Variants in OTUD7A observed in about 807,000 individuals in gnomAD.
OTUD7A encodes OTU deubiquitinase 7A, also known as OTU domain-containing protein 7A.
In OTUD7A, 12 loss-of-function variants were observed where a neutral mutation model predicts 65.7. The observed-to-expected ratio is 0.18, with a 90% CI of 0.12 to 0.30. The LOEUF is 0.30. OTUD7A is among the 10% of genes least tolerant of loss of function. The pLI, the probability that OTUD7A is intolerant of heterozygous loss-of-function variation, is 1.00. For synonymous variants in OTUD7A, 641 were observed against 586.3 expected (o/e 1.09, Z -1.35); for missense variants, 1,148 against 1,304.8 (o/e 0.88, Z 1.85).
chr15:31,500,528 C>G (rs182998800), intron 10 of OTUD7A, among the ~76,000 whole-genome samples: 1 of 152,378 alleles, frequency 6.6e-6, no homozygotes, highest in Admixed American at 6.5e-5. Flanking sequence ...CAGCCTCATT[C>G]CCGACTCAAC....
rs377720188 is a variant in OTUD7A, at chr15:31,484,397, C to T, written c.1699G>A (p.Gly567Ser). ...CGCGACTTGGCCTTCTTCTCCTTGC[C>T]CCGCTCGGCCGAGTCCCCGTTCTTG... ...NGKNGDSAER[G>S]KEKKAKSRKG... The change falls in exon 13 of 13, where the codon GGC becomes AGC. Residue 567 changes from glycine to serine, a missense_variant. This residue lies in a region of OTUD7A where 842 missense variants were observed against 769.5 expected (regional missense o/e 1.09). Transcript: ENST00000307050. This position sits in a 1 kb window ranked among gnomAD's most constrained non-coding sequence, Gnocchi z 4.5. 4 of 1,601,354 alleles carry T rather than the reference C, an allele frequency of 2.5e-6. No homozygotes were observed. Among genetic ancestry groups the T allele is most frequent in the Non-Finnish European group, 1.7e-6 (2 of 1,179,756 alleles).
intron 1 of OTUD7A, among the ~76,000 whole-genome samples, chr15:31,724,670 T>C (rs1893834336): frequency 1.3e-5 from 2 of 152,084 alleles, no homozygotes. Flanking sequence ...ACACCTGAGA[T>C]CGCATCTTTC....
In OTUD7A at chr15:31,523,370, C is replaced by T. The variant is rs77681327; in HGVS notation, c.893+2979G>A. 3.9e-5 allele frequency among the ~76,000 whole-genome samples: 6 copies of T among 152,368 alleles called. No homozygotes were observed. In the East Asian group the frequency reaches 1.2e-3, roughly 29 times the overall value. The stretch of plus-strand genomic sequence containing the variant: ...GGCTCGCTGGAGGTCCCAGTGCTGA[C>T]CTGCTGTCTGAGGAAGTGCTTTTTT... On this transcript the variant is annotated intron_variant, in intron 8 of 12. Coordinates refer to ENST00000307050, the MANE Select transcript of OTUD7A (RefSeq NM_001382637.1).
intron 1 of OTUD7A, among the ~76,000 whole-genome samples, chr15:31,830,702 A>G (rs1262836774): frequency 2.0e-5 from 3 of 152,250 alleles, no homozygotes; most frequent in Admixed American, 1.3e-4. Context: ...ATGTGAGCTC[A>G]GTTTCCAGAA....
At chr15:31,841,704 C>T (rs1897187073) in intron 1 of OTUD7A, among the ~76,000 whole-genome samples, 1 of 152,182 alleles carries the variant, frequency 6.6e-6, no homozygotes, top group Non-Finnish European at 1.5e-5. Context: ...TAAAATGCCA[C>T]TGTATTCCTG....
chr15:31,672,964 T>C (rs1417278348), intron 1 of OTUD7A, among the ~76,000 whole-genome samples: 2 of 152,230 alleles, frequency 1.3e-5, no homozygotes, highest in Non-Finnish European at 2.9e-5. Context: ...GTTCCTCCTA[T>C]GACAGCAAGT....
At chr15:31,494,793 G>A (rs962903615) in intron 10 of OTUD7A, among the ~76,000 whole-genome samples, 3 of 152,194 alleles carry the variant, frequency 2.0e-5, no homozygotes, top group African/African-American at 7.2e-5. Context: ...GTGAGTGCTG[G>A]CTGCTCCTGT....
At chr15:31,488,024 G>A (rs1402920864) in intron 10 of OTUD7A, among the ~76,000 whole-genome samples, 1 of 152,178 alleles carries the variant, frequency 6.6e-6, no homozygotes, top group Non-Finnish European at 1.5e-5. Context: ...GTAATTTTGT[G>A]CCACAAGTCT....
chr15:31,861,467 C>T (rs773305528), intron 1 of OTUD7A, among the ~76,000 whole-genome samples: 8 of 152,176 alleles, frequency 5.3e-5, no homozygotes, highest in African/African-American at 1.7e-4. Context: ...GAACATACTG[C>T]TTGCCAGATT....
At chr15:31,514,939 G>A (rs1183577418) in intron 8 of OTUD7A, among the ~76,000 whole-genome samples, 2 of 152,220 alleles carry the variant, frequency 1.3e-5, no homozygotes, top group African/African-American at 4.8e-5. Context: ...TTGAAACACT[G>A]CAGGTGATTA....
At chr15:31,756,403 G>A (rs1200456518) in intron 1 of OTUD7A, among the ~76,000 whole-genome samples, 5 of 152,090 alleles carry the variant, frequency 3.3e-5, no homozygotes, top group African/African-American at 1.2e-4. Context: ...ACTTTTCAGG[G>A]CCCTGGAAAT....
chr15:31,492,434 C>G (rs1418882694), intron 10 of OTUD7A, among the ~76,000 whole-genome samples: 1 of 152,022 alleles, frequency 6.6e-6, no homozygotes, highest in African/African-American at 2.4e-5. Flanking sequence ...CAAAAATTAG[C>G]TGGGCATGGT....
chr15:31,793,402 C>T (rs759061418), intron 1 of OTUD7A, among the ~76,000 whole-genome samples: 2 of 152,180 alleles, frequency 1.3e-5, no homozygotes, highest in Non-Finnish European at 2.9e-5. Context: ...GGTGCACTTC[C>T]TGCCCCAACC....
chr15:31,844,702 A>G (rs907946958), intron 1 of OTUD7A, among the ~76,000 whole-genome samples: 4 of 152,306 alleles, frequency 2.6e-5, no homozygotes, highest in East Asian at 1.9e-4. Context: ...TCCTCTACAC[A>G]GTTCACCTTA....
chr15:31,755,719 C>T (rs1305315713), intron 1 of OTUD7A, among the ~76,000 whole-genome samples: 1 of 142,826 alleles, frequency 7.0e-6, no homozygotes, highest in Non-Finnish European at 1.6e-5. Flanking sequence ...GAGACTCTGT[C>T]TCAAAAAAAA....
chr15:31,686,554 T>C (rs1050632034), intron 1 of OTUD7A, among the ~76,000 whole-genome samples: 25 of 152,138 alleles, frequency 1.6e-4, no homozygotes, highest in Non-Finnish European at 2.6e-4. Context: ...AAAGACACAG[T>C]CCCATCTCCA....
At chr15:31,628,448 C>A (rs2141246027) in intron 3 of OTUD7A, among the ~76,000 whole-genome samples, 1 of 152,242 alleles carries the variant, frequency 6.6e-6, no homozygotes, top group East Asian at 1.9e-4. Flanking sequence ...TTCCATTGAT[C>A]TATATCTCTG....
chr15:31,625,374 C>A (rs1445668241), intron 3 of OTUD7A, among the ~76,000 whole-genome samples: 6 of 150,374 alleles, frequency 4.0e-5, no homozygotes, highest in Non-Finnish European at 5.9e-5. Context: ...ATGACTAGTA[C>A]ACCACAATAT....
intron 1 of OTUD7A, among the ~76,000 whole-genome samples, chr15:31,789,176 A>G (rs865897851): frequency 6.6e-6 from 1 of 152,162 alleles, no homozygotes; most frequent in Non-Finnish European, 1.5e-5. Flanking sequence ...CAGCCACTCT[A>G]AGCAACACTG....
Sources: allele counts gnomAD v4.1 joint callset (sites outside exome capture counted in the v4.1 genomes callset), GRCh38; gene constraint gnomAD v4.1.1; regional missense constraint gnomAD v4.1.1; non-coding constraint Gnocchi (gnomAD v3.1); transcripts MANE v1.5; gene names NCBI Gene and HGNC (gene_info 2026-07-23, HGNC 2026-07-21).